PYGO1: variants seen among roughly 807,000 people sequenced by gnomAD.
PYGO1 encodes pygopus homolog 1.
PYGO1 carries 6 observed loss-of-function variants against 29.5 expected under a neutral mutation model. The observed-to-expected ratio is 0.20, with a 90% CI of 0.11 to 0.40. The LOEUF (loss-of-function observed/expected upper bound fraction) is 0.40, where lower values mean the gene tolerates loss of function less well. Ranked by LOEUF, PYGO1 falls within the 10% of genes least tolerant of loss-of-function variation. The pLI is 1.00. For missense variants in PYGO1, 515 were observed against 514.9 expected (o/e 1.00, Z 0.00); for synonymous variants, 186 against 180.5 (o/e 1.03, Z -0.24).
chr15:55,582,171 C>T (rs1171634119), intron 1 of PYGO1, among the ~76,000 whole-genome samples: 2 of 142,204 alleles, frequency 1.4e-5, no homozygotes, highest in African/African-American at 5.2e-5. Flanking sequence ...CATGCCACTG[C>T]ACTCCAGCCT....
At chr15:55,583,650 G>A (rs1349149080) in intron 1 of PYGO1, among the ~76,000 whole-genome samples, 2 of 152,000 alleles carry the variant, frequency 1.3e-5, no homozygotes, top group Admixed American at 1.3e-4. Flanking sequence ...CTGAGTAGCT[G>A]GGACTACGGG....
At chr15:55,557,714 A>G (rs941815605) in intron 1 of PYGO1, among the ~76,000 whole-genome samples, 3 of 152,228 alleles carry the variant, frequency 2.0e-5, no homozygotes, top group African/African-American at 7.2e-5. Context: ...AATGTAATCC[A>G]GCATATAAAC....
intron 1 of PYGO1, among the ~76,000 whole-genome samples, chr15:55,576,484 A>G (rs990232219): frequency 8.0e-6 from 1 of 125,410 alleles, no homozygotes. Context: ...AAAAAAAAAG[A>G]GAGAGGCCGG....
At chr15:55,582,293 C>T (rs115398632) in intron 1 of PYGO1, among the ~76,000 whole-genome samples, 377 of 151,532 alleles carry the variant, frequency 2.5e-3, no homozygotes, top group Middle Eastern at 0.014. Context: ...ATAAAGATGG[C>T]CATGTTCCCC....
In PYGO1 at chr15:55,540,361, TATC is replaced by T. The variant is rs1467340969; in HGVS notation, c.*5659_*5661del. On this transcript the variant is annotated 3_prime_UTR_variant, in exon 3 of 3. Transcript: ENST00000563719. ...AATGATGTCTTTTTTGGTTGGGAAA[TATC>T]AGCACAAGTTAAAAGTTACTATATA... is the stretch of plus-strand genomic sequence containing the variant. 1 of 152,082 alleles carries T rather than the reference TATC, an allele frequency of 6.6e-6. No individual in the cohort carries two copies. The highest frequency in any genetic ancestry group is 1.5e-5 in the Non-Finnish European group (1 of 67,934). 9.4% of individuals were successfully genotyped at this position (152,082 alleles called of 1,614,324 possible).
chr15:55,567,320 A>C (rs1353732671), intron 1 of PYGO1, among the ~76,000 whole-genome samples: 1 of 142,078 alleles, frequency 7.0e-6, no homozygotes, highest in Non-Finnish European at 1.5e-5. Context: ...AGATTCTCCT[A>C]CCTCAGCTGC....
chr15:55,546,807 G>A lies in PYGO1; in HGVS notation c.476C>T (p.Pro159Leu). Residue 159 changes from proline (P) to leucine (L), a missense_variant, in exon 3 of 3, where the codon CCA (proline) becomes CTA (leucine). Coordinates refer to ENST00000563719, the MANE Select transcript of PYGO1 (RefSeq NM_001367806.1). Reference sequence around the variant, plus strand: ...CTGACTTAGTGCATTATTATAAGATGGATTACCGAAACTTGAATTATCATG... The same window carrying A: ...CTGACTTAGTGCATTATTATAAGATAGATTACCGAAACTTGAATTATCATG... ...GPHDNSSFGNPSYNNALSQNV... is the reference protein window; with the variant it reads ...GPHDNSSFGNLSYNNALSQNV... 1 of 1,613,848 alleles carries A rather than the reference G, an allele frequency of 6.2e-7. No homozygotes were observed. The highest frequency in any genetic ancestry group is 8.5e-7 in the Non-Finnish European group (1 of 1,179,870).
intron 1 of PYGO1, among the ~76,000 whole-genome samples, chr15:55,557,562 C>A (rs1378243226): frequency 1.3e-5 from 2 of 152,114 alleles, no homozygotes; most frequent in Non-Finnish European, 2.9e-5. Flanking sequence ...TTAGACCAAT[C>A]TCCCTGATGA....
chr15:55,543,600 G>A lies in PYGO1; in HGVS notation c.*2423C>T, dbSNP rs143772615. On this transcript the variant is annotated 3_prime_UTR_variant, in exon 3 of 3. Transcript: ENST00000563719. ...AACACATACCTTTAGACTAGCTTGG[G>A]AGAAGTTATTTCATTTTCACAAAAA... 1.3e-5 allele frequency: 2 copies of A among 152,256 alleles called. No individual in the cohort carries two copies. Among genetic ancestry groups the A allele is most frequent in the African/African-American group, 4.8e-5 (2 of 41,558 alleles). 9.4% of individuals were successfully genotyped at this position (152,256 alleles called of 1,614,324 possible).
chr15:55,548,148 T>C (rs561568462), intron 2 of PYGO1, among the ~76,000 whole-genome samples: 1 of 152,016 alleles, frequency 6.6e-6, no homozygotes, highest in African/African-American at 2.4e-5. Flanking sequence ...GCCTCCGCAA[T>C]AGCTGGGATT....
rs2058819252 is a variant in PYGO1, at chr15:55,539,261, G to C, written c.*6762C>G. ...CAAATTGTGTTAAATATCTCAAAAA[G>C]AAAAAGGAGAATTGGCTTACCATTA... On this transcript the variant is annotated 3_prime_UTR_variant, in exon 3 of 3. Transcript: ENST00000563719. 6.6e-6 allele frequency: 1 copy of C among 152,036 alleles called. No homozygotes were observed. The highest frequency in any genetic ancestry group is 2.4e-5 in the African/African-American group (1 of 41,426). The allele number at this position is 152,036 out of a possible 1,614,324, so 9.4% of individuals were successfully genotyped here.
chr15:55,546,697 A>C lies in PYGO1; in HGVS notation c.586T>G (p.Ser196Ala), dbSNP rs1453773623. 1.2e-6 allele frequency: 2 copies of C among 1,614,056 alleles called. No homozygotes were observed. The highest frequency in any genetic ancestry group is 1.7e-6 in the Non-Finnish European group (2 of 1,179,910). The change falls in exon 3 of 3, where the codon TCT (serine) becomes GCT (alanine). Residue 196 changes from serine (S) to alanine (A), a missense_variant. Physicochemically the swap from Ser to Ala is moderately conservative, Grantham distance 99. Coordinates refer to ENST00000563719, the MANE Select transcript of PYGO1 (RefSeq NM_001367806.1). ...AAATTAGATGCCAAATCGGGGTTAG[A>C]AACTTGGCTAGCATTCTGTGGAGGA... Reference protein sequence around the residue: ...QIPPQNASQVSNPDLASNFVP... With the variant: ...QIPPQNASQVANPDLASNFVP...
chr15:55,548,070 A>C (rs941821661), intron 2 of PYGO1, among the ~76,000 whole-genome samples: 12 of 152,106 alleles, frequency 7.9e-5, no homozygotes, highest in Non-Finnish European at 1.8e-4. Flanking sequence ...CCAAGGCTGG[A>C]GTGCAGTGGC....
At chr15:55,585,650 C>G (rs1405646623) in intron 1 of PYGO1, among the ~76,000 whole-genome samples, 1 of 152,182 alleles carries the variant, frequency 6.6e-6, no homozygotes, top group African/African-American at 2.4e-5. Flanking sequence ...ACCCCAATAG[C>G]TACGCCATAG....
At chr15:55,555,790 A>G (rs1328012454) in intron 1 of PYGO1, among the ~76,000 whole-genome samples, 1 of 152,178 alleles carries the variant, frequency 6.6e-6, no homozygotes, top group Non-Finnish European at 1.5e-5. Flanking sequence ...GACACACCTC[A>G]CAGGCAAAGA....
rs756663494 is a variant in PYGO1 at position 55,546,142 on chromosome 15, G to T, written c.1141C>A (p.Leu381Ile). 2 of 1,614,138 alleles carry T rather than the reference G, an allele frequency of 1.2e-6. No homozygotes were observed. The highest frequency in any genetic ancestry group is 1.7e-6 in the Non-Finnish European group (2 of 1,180,026). Reference protein sequence around the residue: ...CTGMTETAYGLLTAEASAVWG... With the variant: ...CTGMTETAYGILTAEASAVWG... ...ACTGCAGATGCTTCTGCAGTTAAGA[G>T]GCCATAAGCTGTTTCAGTCATTCCA... The change falls in exon 3 of 3, where the codon CTC (leucine) becomes ATC (isoleucine). Residue 381 changes from leucine to isoleucine, a missense_variant. Leu to Ile is a conservative substitution (Grantham distance 5). Coordinates refer to ENST00000563719, the MANE Select transcript of PYGO1 (RefSeq NM_001367806.1).
chr15:55,553,143 C>G (rs954397324), intron 1 of PYGO1, among the ~76,000 whole-genome samples: 2 of 152,176 alleles, frequency 1.3e-5, no homozygotes, highest in Non-Finnish European at 2.9e-5. Flanking sequence ...CAGACTACTT[C>G]CTTAAGTGGG....
rs942157942 is a variant in PYGO1 at position 55,542,670 on chromosome 15, C to A, written c.*3353G>T. On this transcript the variant is annotated 3_prime_UTR_variant, in exon 3 of 3. Coordinates refer to ENST00000563719, the MANE Select transcript of PYGO1 (RefSeq NM_001367806.1). Reference sequence around the variant, plus strand: ...GTCTGGCCAGGCGTGGTGGCTTACACCTGTAATCCCAGCACTTTGGGAGGC... The same window carrying A: ...GTCTGGCCAGGCGTGGTGGCTTACAACTGTAATCCCAGCACTTTGGGAGGC... 1 of 152,196 alleles carries A rather than the reference C, an allele frequency of 6.6e-6. No individual in the cohort carries two copies. The highest frequency in any genetic ancestry group is 1.5e-5 in the Non-Finnish European group (1 of 68,072). 9.4% of individuals were successfully genotyped at this position (152,196 alleles called of 1,614,324 possible).
rs1248092104 is a variant in PYGO1 at position 55,544,216 on chromosome 15, A to G, written c.*1807T>C. Reference sequence around the variant, plus strand: ...GGTCAAAATTAAAACAATGTATTTAAAAAAATAAGTTTTATTCAATCAAAA... The same window carrying G: ...GGTCAAAATTAAAACAATGTATTTAGAAAAATAAGTTTTATTCAATCAAAA... On this transcript the variant is annotated 3_prime_UTR_variant, in exon 3 of 3. Coordinates refer to ENST00000563719, the MANE Select transcript of PYGO1 (RefSeq NM_001367806.1). The G allele has an allele frequency of 1.3e-5, 2 of 152,200 alleles. No individual in the cohort carries two copies. Among genetic ancestry groups the G allele is most frequent in the Admixed American group, 1.3e-4 (2 of 15,276 alleles). The allele number at this position is 152,200 out of a possible 1,614,324, so 9.4% of individuals were successfully genotyped here. A position where few individuals can be genotyped will look rare whatever the true frequency, so the allele number is the denominator to read the frequency against.
Sources: allele counts gnomAD v4.1 joint callset (sites outside exome capture counted in the v4.1 genomes callset), GRCh38; gene constraint gnomAD v4.1.1; transcripts MANE v1.5; gene names NCBI Gene and HGNC (gene_info 2026-07-23, HGNC 2026-07-21).